The following KHDRBS2 variants were observed in gnomAD, a reference collection of about 807,000 sequenced individuals.
KHDRBS2 encodes the protein KH domain-containing, RNA-binding, signal transduction-associated protein 2.
In KHDRBS2, 26 loss-of-function variants were observed where a neutral mutation model predicts 44.3. That is an observed-to-expected ratio of 0.59 (90% CI 0.43 to 0.81). The LOEUF is 0.81. Among genes scored for constraint, KHDRBS2 ranks in the 40% least tolerant of loss-of-function variants. The pLI is 0.00. For synonymous variants in KHDRBS2, 194 were observed against 151.1 expected (o/e 1.28, Z -2.08); for missense variants, 476 against 433.1 (o/e 1.10, Z -0.88).
intron 6 of KHDRBS2, among the ~76,000 whole-genome samples, chr6:61,807,106 A>T (rs1317062133): frequency 6.6e-6 from 1 of 152,134 alleles, no homozygotes; most frequent in Non-Finnish European, 1.5e-5. Flanking sequence ...GCAAAATGCA[A>T]ATCAAAACCA....
chr6:62,125,031 T>TTG (rs1808625915), intron 2 of KHDRBS2, among the ~76,000 whole-genome samples: 3 of 152,184 alleles, frequency 2.0e-5, no homozygotes, highest in South Asian at 4.1e-4. Context: ...TGGCCACTTG[T>TTG]TTGTCTTTTG....
chr6:61,989,511 A>T (rs1775711742), intron 3 of KHDRBS2, among the ~76,000 whole-genome samples: 1 of 152,094 alleles, frequency 6.6e-6, no homozygotes, highest in Non-Finnish European at 1.5e-5. Context: ...GGGCCTACTT[A>T]TTGTTTTCCT....
At chr6:61,897,959 A>G (rs1803237023) in intron 5 of KHDRBS2, among the ~76,000 whole-genome samples, 1 of 152,166 alleles carries the variant, frequency 6.6e-6, no homozygotes, top group South Asian at 2.1e-4. Context: ...ATATATTTTC[A>G]TTCATCAATT....
intron 2 of KHDRBS2, among the ~76,000 whole-genome samples, chr6:62,118,560 C>A (rs749883102): frequency 6.6e-6 from 1 of 152,038 alleles, no homozygotes; most frequent in Non-Finnish European, 1.5e-5. Flanking sequence ...GTGAAGGATA[C>A]AAAATATTGT....
intron 7 of KHDRBS2, among the ~76,000 whole-genome samples, chr6:61,704,169 T>C (rs143586685): frequency 0.027 from 4,101 of 151,888 alleles, 78 homozygotes; most frequent in Middle Eastern, 0.082. Flanking sequence ...TCCCTAACTA[T>C]ACAAAGTAAT....
At chr6:61,750,788 G>A (rs1217199656) in intron 6 of KHDRBS2, among the ~76,000 whole-genome samples, 1 of 150,800 alleles carries the variant, frequency 6.6e-6, no homozygotes, top group African/African-American at 2.4e-5. Context: ...CATCTAGGAG[G>A]CAATACATCA....
chr6:62,067,713 A>G (rs1342973769), intron 2 of KHDRBS2, among the ~76,000 whole-genome samples: 5 of 151,536 alleles, frequency 3.3e-5, no homozygotes, highest in African/African-American at 9.7e-5. Context: ...AAAAAATCCC[A>G]TACTTAATAC....
intron 6 of KHDRBS2, among the ~76,000 whole-genome samples, chr6:61,862,217 G>A (rs1404965597): frequency 2.0e-5 from 3 of 152,042 alleles, no homozygotes; most frequent in Non-Finnish European, 4.4e-5. Flanking sequence ...ATTGTCATCT[G>A]CAAGCAAAGA....
intron 1 of KHDRBS2, among the ~76,000 whole-genome samples, chr6:62,194,759 G>C (rs1825333036): frequency 6.6e-6 from 1 of 151,400 alleles, no homozygotes; most frequent in Non-Finnish European, 1.5e-5. Context: ...CACTCATGGT[G>C]GTCTCCCAAA....
chr6:61,769,410 A>G (rs1256511883), intron 6 of KHDRBS2, among the ~76,000 whole-genome samples: 3 of 152,162 alleles, frequency 2.0e-5, no homozygotes, highest in Non-Finnish European at 4.4e-5. Context: ...TCCCTTTCCT[A>G]GTCAAAGAAA....
chr6:61,808,671 A>T (rs1177753637), intron 6 of KHDRBS2, among the ~76,000 whole-genome samples: 1 of 152,248 alleles, frequency 6.6e-6, no homozygotes, highest in African/African-American at 2.4e-5. Context: ...TTAGATTTGG[A>T]TTACAGTCTT....
chr6:62,194,896 A>G (rs1264233124), intron 1 of KHDRBS2, among the ~76,000 whole-genome samples: 3 of 151,972 alleles, frequency 2.0e-5, no homozygotes, highest in Non-Finnish European at 4.4e-5. Flanking sequence ...TCCTTTTCAC[A>G]ATCGTTTTTG....
At position 61,727,465 on chromosome 6, in the gene KHDRBS2, A is replaced by G. The variant is rs192095025; in HGVS notation, c.893+5217T>C. 1.6e-3 allele frequency among the ~76,000 whole-genome samples: 238 copies of G among 152,300 alleles called. 1 individual carries two copies. Among genetic ancestry groups the G allele is most frequent in the African/African-American group, 5.3e-3 (222 of 41,580 alleles). ...TAAAGAGCTTCTTCTGCACAGCAAA[A>G]TAAACTATCATCAGAACGAACAGAA... On this transcript the variant is annotated intron_variant, in intron 7 of 8. Coordinates refer to ENST00000281156, the MANE Select transcript of KHDRBS2 (RefSeq NM_152688.4).
At chr6:61,815,318 AT>A (rs1052039222) in intron 6 of KHDRBS2, among the ~76,000 whole-genome samples, 3 of 152,098 alleles carry the variant, frequency 2.0e-5, no homozygotes, top group African/African-American at 7.2e-5. Flanking sequence ...AACTTAACAA[AT>A]TTTTTATTTC....
intron 3 of KHDRBS2, among the ~76,000 whole-genome samples, chr6:62,021,165 A>T (rs1407993382): frequency 6.6e-6 from 1 of 151,882 alleles, no homozygotes; most frequent in East Asian, 1.9e-4. Flanking sequence ...CTTATTATTA[A>T]ATCCAAATAC....
chr6:61,851,767 A>G (rs1795458688), intron 6 of KHDRBS2, among the ~76,000 whole-genome samples: 1 of 152,200 alleles, frequency 6.6e-6, no homozygotes, highest in Admixed American at 6.5e-5. Flanking sequence ...TATAATACAG[A>G]TGTGTTAAAA....
chr6:61,869,971 T>TG (rs1321102117), intron 6 of KHDRBS2, among the ~76,000 whole-genome samples: 49 of 113,448 alleles, frequency 4.3e-4, no homozygotes, highest in South Asian at 2.1e-3. Context: ...AGTGTTTTTT[T>TG]TTTTTTTTTT....
chr6:61,643,195 A>G, the KHDRBS2 span, among the ~76,000 whole-genome samples: 8,913 of 152,306 alleles, frequency 0.059, 353 homozygotes, highest in Middle Eastern at 0.095. Flanking sequence ...AAAAGTTTCA[A>G]AAAGATTTGA....
chr6:62,139,539 T>C (rs1812319145), intron 2 of KHDRBS2, among the ~76,000 whole-genome samples: 1 of 133,804 alleles, frequency 7.5e-6, no homozygotes, highest in Non-Finnish European at 1.6e-5. Context: ...GGTGACAGAG[T>C]AAGACTCCGC....
Sources: gnomAD v4.1 joint callset for allele counts (sites outside exome capture counted in the v4.1 genomes callset) on GRCh38, gnomAD v4.1.1 for gene constraint, MANE v1.5 for transcripts, NCBI Gene and HGNC (gene_info 2026-07-23, HGNC 2026-07-21) for gene names.